Variants in PDE10A observed in about 807,000 individuals in gnomAD.
PDE10A encodes phosphodiesterase 10A.
PDE10A carries 39 observed loss-of-function variants against 97.7 expected under a neutral mutation model. That is an observed-to-expected ratio of 0.40 (90% CI 0.31 to 0.52). The LOEUF (loss-of-function observed/expected upper bound fraction) is 0.52. Ranked by LOEUF, PDE10A falls within the 20% of genes least tolerant of loss-of-function variation. The pLI is 0.56. For synonymous variants in PDE10A, 371 were observed against 376.8 expected (o/e 0.98, Z 0.18); for missense variants, 731 against 1,047.8 (o/e 0.70, Z 4.17).
intron 2 of PDE10A, among the ~76,000 whole-genome samples, chr6:165,503,276 C>T (rs1418886111): frequency 1.3e-5 from 2 of 152,184 alleles, no homozygotes; most frequent in African/African-American, 4.8e-5. Context: ...TTACTAAGAA[C>T]TTCTCAACGT....
intron 2 of PDE10A, among the ~76,000 whole-genome samples, chr6:165,502,750 A>G (rs1421726208): frequency 6.6e-6 from 1 of 152,202 alleles, no homozygotes; most frequent in Non-Finnish European, 1.5e-5. Context: ...GCAGACGCAA[A>G]TGACTTCACA....
intron 1 of PDE10A, among the ~76,000 whole-genome samples, chr6:165,862,902 A>T (rs1780946847): frequency 6.6e-6 from 1 of 151,948 alleles, no homozygotes; most frequent in Non-Finnish European, 1.5e-5. Context: ...CTGGTCTCGA[A>T]CTCCTGGCCT....
chr6:165,497,254 A>C (rs183375752), intron 2 of PDE10A, among the ~76,000 whole-genome samples: 1 of 152,236 alleles, frequency 6.6e-6, no homozygotes, highest in Non-Finnish European at 1.5e-5. Context: ...ATTATATATA[A>C]ACAGAATGAC....
rs536612389 is a variant in PDE10A, at chr6:165,822,656, C to T, written c.-615+164873G>A. 1.7e-4 allele frequency among the ~76,000 whole-genome samples: 26 copies of T among 151,392 alleles called. No homozygotes were observed. In the South Asian group the frequency reaches 4.0e-3, roughly 23 times the overall value. On this transcript the variant is annotated intron_variant, in intron 1 of 19. Coordinates refer to the PDE10A transcript ENST00000366882. ...GTGCACCGGTACAAGACACTTATCA[C>T]GAATGGAGCAAGTTGCTCTGGGTGA...
chr6:165,408,460 C>G (rs1038472060), intron 13 of PDE10A, among the ~76,000 whole-genome samples: 1 of 152,010 alleles, frequency 6.6e-6, no homozygotes, highest in African/African-American at 2.4e-5. Context: ...CTCGGTGCCA[C>G]AGTGATGACC....
At chr6:165,731,345 G>C (rs1218164604) in intron 1 of PDE10A, among the ~76,000 whole-genome samples, 1 of 152,108 alleles carries the variant, frequency 6.6e-6, no homozygotes, top group African/African-American at 2.4e-5. Flanking sequence ...AGGGAAGTCG[G>C]AGCTCCAGGG....
At chr6:165,449,925 A>T (rs1791162654) in intron 4 of PDE10A, among the ~76,000 whole-genome samples, 1 of 152,158 alleles carries the variant, frequency 6.6e-6, no homozygotes, top group African/African-American at 2.4e-5. Flanking sequence ...TCTCTTTAAA[A>T]TTAATATATT....
intron 1 of PDE10A, among the ~76,000 whole-genome samples, chr6:165,903,947 A>G (rs1780548243): frequency 6.6e-6 from 1 of 152,224 alleles, no homozygotes; most frequent in Non-Finnish European, 1.5e-5. Context: ...ACTGGGGACC[A>G]TAACAAGGTT....
chr6:165,475,641 A>G (rs1562502081), intron 3 of PDE10A, among the ~76,000 whole-genome samples: 3 of 152,224 alleles, frequency 2.0e-5, no homozygotes, highest in Non-Finnish European at 4.4e-5. Context: ...GATCCCATTT[A>G]ATATGCTGAG....
chr6:165,917,017 G>A (rs566066516), intron 1 of PDE10A, among the ~76,000 whole-genome samples: 2 of 152,204 alleles, frequency 1.3e-5, no homozygotes, highest in East Asian at 3.9e-4. Context: ...AGACCTGTTG[G>A]GGTTGGGTAG....
At chr6:165,576,841 C>G (rs1048133302) in intron 1 of PDE10A, among the ~76,000 whole-genome samples, 4 of 152,236 alleles carry the variant, frequency 2.6e-5, no homozygotes, top group African/African-American at 9.6e-5. Context: ...TTTGTTCAGA[C>G]AGTTAGCCAT....
At chr6:165,589,478 CAAAAAT>C (rs1366609180) in intron 1 of PDE10A, among the ~76,000 whole-genome samples, 3 of 152,094 alleles carry the variant, frequency 2.0e-5, no homozygotes, top group Admixed American at 2.0e-4. Context: ...TAAAGACAAT[CAAAAAT>C]GAAAATGAAC....
chr6:165,772,514 C>G (rs570598853), intron 1 of PDE10A, among the ~76,000 whole-genome samples: 2 of 152,152 alleles, frequency 1.3e-5, no homozygotes, highest in Non-Finnish European at 2.9e-5. Context: ...GTCCAGGGCC[C>G]GCGTTGCCAT....
intron 1 of PDE10A, among the ~76,000 whole-genome samples, chr6:165,643,348 G>T (rs182445658): frequency 2.4e-4 from 36 of 152,198 alleles, no homozygotes; most frequent in Admixed American, 2.1e-3. Flanking sequence ...CTTGCCATGG[G>T]TTTGCTGACT....
chr6:165,666,418 T>G (rs1241448256), upstream of PDE10A, among the ~76,000 whole-genome samples: 1 of 152,236 alleles, frequency 6.6e-6, no homozygotes, highest in Non-Finnish European at 1.5e-5. Context: ...TTAAAATGCA[T>G]AGCAAAATAA....
At chr6:165,900,520 G>A (rs1782074714) in intron 1 of PDE10A, among the ~76,000 whole-genome samples, 1 of 151,874 alleles carries the variant, frequency 6.6e-6, no homozygotes, top group Non-Finnish European at 1.5e-5. Context: ...TGACCAGTGG[G>A]CACACATCAT....
chr6:165,332,849 G>A lies in PDE10A; in HGVS notation c.*176C>T, dbSNP rs113682553. 1.5e-5 allele frequency: 9 copies of A among 588,424 alleles called. No homozygotes were observed. Among genetic ancestry groups the A allele is most frequent in the Admixed American group, 6.1e-5 (2 of 32,896 alleles). The allele number at this position is 588,424 out of a possible 1,614,324, so 36.5% of individuals were successfully genotyped here. A position where few individuals can be genotyped will look rare whatever the true frequency, so the allele number is the denominator to read the frequency against. ...TCAGTGTCTATGATGCCTCACAGAA[G>A]AGATTGGCAGGAAGTCCTCTGCTTG... On this transcript the variant is annotated 3_prime_UTR_variant, in exon 22 of 22. Transcript: ENST00000539869.
chr6:165,605,630 G>A (rs1451384353), intron 1 of PDE10A, among the ~76,000 whole-genome samples: 1 of 152,046 alleles, frequency 6.6e-6, no homozygotes, highest in Non-Finnish European at 1.5e-5. Context: ...TGCTCTCGGT[G>A]AATCTTCCAC....
At chr6:165,423,324 A>C (rs926852305) in intron 10 of PDE10A, among the ~76,000 whole-genome samples, 1 of 152,204 alleles carries the variant, frequency 6.6e-6, no homozygotes, top group African/African-American at 2.4e-5. Context: ...AGTACCTACA[A>C]ATTTATAAAA....
Sources: gnomAD v4.1 joint callset for allele counts (sites outside exome capture counted in the v4.1 genomes callset) on GRCh38, gnomAD v4.1.1 for gene constraint, MANE v1.5 for transcripts, NCBI Gene and HGNC (gene_info 2026-07-23, HGNC 2026-07-21) for gene names.